MICU1: variants seen among roughly 807,000 people sequenced by gnomAD.
MICU1 encodes the protein calcium uptake protein 1, mitochondrial.
In MICU1, 45 loss-of-function variants were observed where a neutral mutation model predicts 56.8. The ratio of observed to expected loss-of-function variants is 0.79; its 90% CI spans 0.62 to 1.02. The LOEUF (loss-of-function observed/expected upper bound fraction) is 1.02, where lower values mean the gene tolerates loss of function less well. Among genes scored for constraint, MICU1 ranks in the 50% least tolerant of loss-of-function variants. The probability of loss-of-function intolerance (pLI) is 0.00; values close to 1 mark genes in which losing one functional copy is unlikely to be tolerated. For missense variants in MICU1, 504 were observed against 587.1 expected (o/e 0.86, Z 1.46); for synonymous variants, 186 against 195.1 (o/e 0.95, Z 0.39).
chr10:72,400,097 C>T (rs1370784561), intron 10 of MICU1, among the ~76,000 whole-genome samples: 1 of 152,170 alleles, frequency 6.6e-6, no homozygotes, highest in Non-Finnish European at 1.5e-5. Context: ...CCCAAACATA[C>T]ATCTCAAAGC....
chr10:72,590,374 A>G (rs1434898563), intron 1 of MICU1, among the ~76,000 whole-genome samples: 1 of 152,260 alleles, frequency 6.6e-6, no homozygotes, highest in Non-Finnish European at 1.5e-5. Flanking sequence ...ATCAACATTT[A>G]TACACTTAAT....
At chr10:72,585,001 G>A (rs1417888886) in intron 1 of MICU1, among the ~76,000 whole-genome samples, 1 of 151,998 alleles carries the variant, frequency 6.6e-6, no homozygotes, top group African/African-American at 2.4e-5. Flanking sequence ...GAAGCAAAAG[G>A]ACAGAGGAAT....
intron 8 of MICU1, among the ~76,000 whole-genome samples, chr10:72,466,489 G>A (rs893492352): frequency 3.3e-5 from 5 of 152,152 alleles, no homozygotes; most frequent in Non-Finnish European, 7.4e-5. Flanking sequence ...AACCTCTAAG[G>A]ATGGAATAAG....
chr10:72,431,127 T>TCTATCTAG (rs1250095725), intron 8 of MICU1, among the ~76,000 whole-genome samples: 2 of 151,574 alleles, frequency 1.3e-5, no homozygotes, highest in South Asian at 4.2e-4. Flanking sequence ...TATCTATCTA[T>TCTATCTAG]CTATCTATCT....
chr10:72,603,950 A>G (rs1841616164), intron 1 of MICU1, among the ~76,000 whole-genome samples: 1 of 152,212 alleles, frequency 6.6e-6, no homozygotes, highest in Admixed American at 6.6e-5. Flanking sequence ...TGGTTGAAAG[A>G]GTTAAGTTCT....
At chr10:72,511,279 G>A (rs754335247) in intron 5 of MICU1, among the ~76,000 whole-genome samples, 3 of 152,076 alleles carry the variant, frequency 2.0e-5, no homozygotes, top group Non-Finnish European at 4.4e-5. Flanking sequence ...CACTGTATGG[G>A]ATGCTGATCA....
At chr10:72,563,864 C>A (rs189162353) in intron 2 of MICU1, among the ~76,000 whole-genome samples, 4 of 152,134 alleles carry the variant, frequency 2.6e-5, no homozygotes, top group East Asian at 1.9e-4. Context: ...CTCCCCTTGT[C>A]CCAACTGTAA....
At chr10:72,450,677 T>A (rs941751949) in intron 8 of MICU1, among the ~76,000 whole-genome samples, 15 of 152,230 alleles carry the variant, frequency 9.9e-5, no homozygotes, top group African/African-American at 3.6e-4. Context: ...GCTAGCAGAA[T>A]ATTCTCATGT....
chr10:72,419,407 G>A (rs1589196269), intron 9 of MICU1, among the ~76,000 whole-genome samples: 1 of 152,172 alleles, frequency 6.6e-6, no homozygotes, highest in Non-Finnish European at 1.5e-5. Flanking sequence ...CCACAGCCAA[G>A]AGAACACCTG....
At chr10:72,378,380 T>G (rs950779793) in intron 10 of MICU1, among the ~76,000 whole-genome samples, 2 of 152,176 alleles carry the variant, frequency 1.3e-5, no homozygotes, top group African/African-American at 2.4e-5. Flanking sequence ...GCTGTTCTCA[T>G]GATAGTAAGC....
At chr10:72,510,997 C>T (rs1867430481) in intron 5 of MICU1, among the ~76,000 whole-genome samples, 1 of 152,182 alleles carries the variant, frequency 6.6e-6, no homozygotes, top group Admixed American at 6.5e-5. Context: ...TATTTTCACC[C>T]TGATCAAGGA....
intron 4 of MICU1, 41 bp from the exon 5 acceptor site, chr10:72,533,830 A>C: frequency 7.4e-7 from 1 of 1,349,194 alleles, no homozygotes; most frequent in Non-Finnish European, 1.0e-6. Flanking sequence ...ACTGATAATA[A>C]CTCAAGTGAA....
chr10:72,375,468 C>T (rs1862486513), intron 11 of MICU1, among the ~76,000 whole-genome samples: 1 of 152,184 alleles, frequency 6.6e-6, no homozygotes, highest in Non-Finnish European at 1.5e-5. Flanking sequence ...TACCTGAGTG[C>T]TCCGTATCCG....
chr10:72,540,814 G>A (rs111778180), intron 4 of MICU1, among the ~76,000 whole-genome samples: 3 of 152,318 alleles, frequency 2.0e-5, no homozygotes, highest in African/African-American at 7.2e-5. Context: ...ATTAGCAGAT[G>A]GGACATAAGC....
rs752562015 is a variant in MICU1 at position 72,368,302 on chromosome 10, T to G, written c.1324A>C (p.Met442Leu). The G allele has an allele frequency of 6.2e-7, 1 of 1,614,018 alleles. No individual in the cohort carries two copies. Among genetic ancestry groups the G allele is most frequent in the South Asian group, 1.1e-5 (1 of 91,088 alleles). ...EFVSIMKQRL[M>L]RGLEKPKDMG... is the part of the protein sequence containing the mutation. ...TCTTTGGGCTTTTCCAGGCCTCTCA[T>G]CAGCCGTTGCTTCATGATGGAAACA... The change falls in exon 12 of 12, where the codon ATG (methionine) becomes CTG (leucine). Residue 442 changes from methionine to leucine, a missense_variant. Coordinates refer to ENST00000361114, the MANE Select transcript of MICU1 (RefSeq NM_001195518.2).
intron 6 of MICU1, among the ~76,000 whole-genome samples, chr10:72,487,458 C>CT (rs1866511377): frequency 6.6e-6 from 1 of 152,118 alleles, no homozygotes; most frequent in African/African-American, 2.4e-5. Flanking sequence ...TGAAACATGG[C>CT]TTTACCAGCG....
At chr10:72,480,309 A>G (rs1467413881) in intron 6 of MICU1, among the ~76,000 whole-genome samples, 1 of 152,216 alleles carries the variant, frequency 6.6e-6, no homozygotes, top group African/African-American at 2.4e-5. Context: ...GAGCAAATAG[A>G]TGTAAAATGT....
intron 6 of MICU1, among the ~76,000 whole-genome samples, chr10:72,492,110 C>A (rs971651515): frequency 2.0e-5 from 3 of 152,052 alleles, no homozygotes; most frequent in African/African-American, 7.2e-5. Context: ...TATGATTTTT[C>A]TTAAAAGGAA....
At chr10:72,576,225 CA>C (rs34829939) in intron 1 of MICU1, among the ~76,000 whole-genome samples, 281 of 68,212 alleles carry the variant, frequency 4.1e-3, no homozygotes, top group African/African-American at 0.012. Flanking sequence ...AAAAAAACAC[CA>C]AAAAAAAAAA....
Sources: gnomAD v4.1 joint callset for allele counts (sites outside exome capture counted in the v4.1 genomes callset) on GRCh38, gnomAD v4.1.1 for gene constraint, MANE v1.5 for transcripts, NCBI Gene and HGNC (gene_info 2026-07-23, HGNC 2026-07-21) for gene names.